The following SCAPER variants were observed in gnomAD, a reference collection of about 807,000 sequenced individuals.
SCAPER encodes S phase cyclin A-associated protein in the endoplasmic reticulum.
A neutral mutation model predicts 182.2 loss-of-function variants in SCAPER; 98 were observed. That is an observed-to-expected ratio of 0.54 (90% confidence interval 0.46 to 0.64). The LOEUF (loss-of-function observed/expected upper bound fraction) is 0.64. Ranked by LOEUF, SCAPER falls within the 30% of genes least tolerant of loss-of-function variation. The pLI is 0.00. For missense variants in SCAPER, 1,432 were observed against 1,690.0 expected (o/e 0.85, Z 2.68); for synonymous variants, 605 against 564.6 (o/e 1.07, Z -1.01).
At chr15:76,796,823 C>T (rs887078335) in intron 7 of SCAPER, among the ~76,000 whole-genome samples, 25 of 152,220 alleles carry the variant, frequency 1.6e-4, no homozygotes, top group African/African-American at 6.0e-4. Flanking sequence ...TTTCCCTACT[C>T]CACTACGGTT....
At chr15:76,392,577 A>ACG (rs1441242404) in intron 27 of SCAPER, among the ~76,000 whole-genome samples, 7 of 151,698 alleles carry the variant, frequency 4.6e-5, no homozygotes, top group African/African-American at 1.7e-4. Flanking sequence ...CTACACACAC[A>ACG]CACACACAAA....
chr15:76,849,284 T>G (rs1256151908), intron 4 of SCAPER, among the ~76,000 whole-genome samples: 2 of 152,158 alleles, frequency 1.3e-5, no homozygotes, highest in Admixed American at 6.5e-5. Context: ...CCACTACCTC[T>G]GCCATGGAAC....
intron 25 of SCAPER, among the ~76,000 whole-genome samples, chr15:76,463,169 T>C (rs2142984661): frequency 6.6e-6 from 1 of 152,242 alleles, no homozygotes; most frequent in Admixed American, 6.6e-5. Context: ...GCAAGTACCG[T>C]ACTATATAGT....
intron 24 of SCAPER, among the ~76,000 whole-genome samples, chr15:76,486,895 T>C (rs1337256832): frequency 2.0e-5 from 3 of 152,150 alleles, no homozygotes; most frequent in African/African-American, 7.2e-5. Context: ...TGCATGCAAA[T>C]GTTCACTGCA....
At chr15:76,811,729 G>T (rs559887818) in intron 5 of SCAPER, among the ~76,000 whole-genome samples, 1 of 151,398 alleles carries the variant, frequency 6.6e-6, no homozygotes, top group Non-Finnish European at 1.5e-5. Flanking sequence ...TGGAGGTTGC[G>T]GTGAGCTGAG....
At chr15:76,695,774 T>G (rs2585731) in intron 20 of SCAPER, among the ~76,000 whole-genome samples, 3 of 151,988 alleles carry the variant, frequency 2.0e-5, no homozygotes, top group African/African-American at 4.8e-5. Flanking sequence ...AATATATAAA[T>G]TAATAATAAG....
At chr15:76,621,010 TA>T (rs1296767179) in intron 22 of SCAPER, among the ~76,000 whole-genome samples, 1 of 151,796 alleles carries the variant, frequency 6.6e-6, no homozygotes, top group African/African-American at 2.4e-5. Flanking sequence ...AACTTAAAAT[TA>T]AAAAAAAATT....
intron 22 of SCAPER, among the ~76,000 whole-genome samples, chr15:76,611,294 TAA>T (rs940868932): frequency 5.3e-5 from 8 of 151,918 alleles, no homozygotes; most frequent in Non-Finnish European, 8.8e-5. Context: ...CTCGAAACTA[TAA>T]AAGTCTTAGA....
At chr15:76,434,548 G>C (rs1016782863) in intron 25 of SCAPER, among the ~76,000 whole-genome samples, 2 of 152,092 alleles carry the variant, frequency 1.3e-5, no homozygotes, top group African/African-American at 4.8e-5. Flanking sequence ...AGGATAATGA[G>C]AGTACCTGTA....
intron 26 of SCAPER, among the ~76,000 whole-genome samples, chr15:76,412,248 T>C (rs1319896902): frequency 1.3e-5 from 2 of 152,152 alleles, no homozygotes; most frequent in Admixed American, 6.5e-5. Context: ...GGTTATATGA[T>C]ACTGTACTGA....
intron 4 of SCAPER, among the ~76,000 whole-genome samples, chr15:76,856,535 CTT>C (rs200075739): frequency 6.6e-6 from 1 of 150,744 alleles, no homozygotes; most frequent in Non-Finnish European, 1.5e-5. Context: ...ATATTTTTAA[CTT>C]TTTTTACATA....
chr15:76,897,073 G>C (rs1386797166), intron 1 of SCAPER, among the ~76,000 whole-genome samples: 2 of 151,986 alleles, frequency 1.3e-5, no homozygotes, highest in Middle Eastern at 3.4e-3. Flanking sequence ...TGAATCTCAG[G>C]GTACACAGCT....
intron 21 of SCAPER, among the ~76,000 whole-genome samples, chr15:76,644,792 A>G (rs747794798): frequency 7.9e-5 from 12 of 152,142 alleles, no homozygotes; most frequent in Non-Finnish European, 1.6e-4. Flanking sequence ...TTAAAGCAAA[A>G]TATGCACATA....
intron 23 of SCAPER, among the ~76,000 whole-genome samples, chr15:76,572,677 G>T (rs1001038289): frequency 3.3e-5 from 5 of 151,962 alleles, no homozygotes; most frequent in African/African-American, 9.7e-5. Flanking sequence ...TATGACTTAG[G>T]AACTTGTTAG....
chr15:76,632,448 C>T (rs561528578), intron 21 of SCAPER, among the ~76,000 whole-genome samples: 19 of 152,292 alleles, frequency 1.2e-4, no homozygotes, highest in African/African-American at 4.6e-4. Context: ...CCACCTCGGT[C>T]TCCCAAAGTG....
At chr15:76,862,248 G>A (rs2071935660) in intron 3 of SCAPER, among the ~76,000 whole-genome samples, 168 bp downstream of exon 3, 2 of 151,606 alleles carry the variant, frequency 1.3e-5, no homozygotes, top group South Asian at 4.1e-4. Flanking sequence ...TAACAATAAG[G>A]CTTTTATAAA....
intron 20 of SCAPER, among the ~76,000 whole-genome samples, chr15:76,669,534 C>T (rs1001541918): frequency 1.3e-5 from 2 of 152,174 alleles, no homozygotes; most frequent in Non-Finnish European, 2.9e-5. Flanking sequence ...TTATTGAACA[C>T]TTATTATGTG....
intron 23 of SCAPER, among the ~76,000 whole-genome samples, chr15:76,511,779 T>C (rs1486731906): frequency 6.6e-6 from 1 of 151,822 alleles, no homozygotes; most frequent in Non-Finnish European, 1.5e-5. Flanking sequence ...ACTCAGTAAT[T>C]GCTCACAATG....
chr15:76,553,330 T>G (rs1222891912), intron 23 of SCAPER, among the ~76,000 whole-genome samples: 2 of 152,190 alleles, frequency 1.3e-5, no homozygotes, highest in African/African-American at 4.8e-5. Context: ...CCCCTGCCCC[T>G]GCCAGCACAA....
Sources: allele counts gnomAD v4.1 joint callset (sites outside exome capture counted in the v4.1 genomes callset), GRCh38; gene constraint gnomAD v4.1.1; transcripts MANE v1.5; gene names NCBI Gene and HGNC (gene_info 2026-07-23, HGNC 2026-07-21).